DCC: variants seen among roughly 807,000 people sequenced by gnomAD.
DCC encodes netrin receptor DCC.
In DCC, 58 loss-of-function variants were observed where a neutral mutation model predicts 172.5. The ratio of observed to expected loss-of-function variants is 0.34; its 90% CI spans 0.27 to 0.42. The LOEUF is 0.42. Among genes scored for constraint, DCC ranks in the 10% least tolerant of loss-of-function variants. DCC has a pLI of 1.00. For missense variants in DCC, 1,740 were observed against 1,791.0 expected, an observed-to-expected ratio of 0.97 and a Z score of 0.51; for synonymous variants, 709 against 644.5, an observed-to-expected ratio of 1.10 and a Z score of -1.52.
intron 5 of DCC, among the ~76,000 whole-genome samples, chr18:52,954,087 T>C (rs749085263): frequency 6.6e-6 from 1 of 152,246 alleles, no homozygotes; most frequent in African/African-American, 2.4e-5. Context: ...TCCATTTATA[T>C]GTACCTGTGT....
chr18:52,897,208 C>A (rs2039744572), intron 2 of DCC, among the ~76,000 whole-genome samples: 1 of 152,190 alleles, frequency 6.6e-6, no homozygotes, highest in Non-Finnish European at 1.5e-5. Context: ...AGTACCAACA[C>A]TACAGAGGAT....
intron 27 of DCC, chr18:53,505,323 TTAGAAACAAATTAAAAAAAA>T (rs1278303554): frequency 6.6e-6 from 1 of 151,648 alleles, no homozygotes; most frequent in Non-Finnish European, 1.5e-5. Flanking sequence ...GGCCAAGGCT[TTAGAAACAAATTAAAAAAAA>T]TAAAGATGAG....
chr18:53,206,320 TG>T (rs2055634276), intron 10 of DCC, among the ~76,000 whole-genome samples: 1 of 90,476 alleles, frequency 1.1e-5, no homozygotes, highest in African/African-American at 4.3e-5. Context: ...TATACATATA[TG>T]TATTGTAACA....
chr18:52,370,114 A>G (rs1229088127), intron 1 of DCC, among the ~76,000 whole-genome samples: 1 of 152,166 alleles, frequency 6.6e-6, no homozygotes, highest in Non-Finnish European at 1.5e-5. Context: ...TGATTTTTTA[A>G]TAATCACCAT....
At chr18:52,786,444 T>TCCAGTCACA (rs2037662155) in intron 2 of DCC, among the ~76,000 whole-genome samples, 1 of 151,856 alleles carries the variant, frequency 6.6e-6, no homozygotes, top group South Asian at 2.1e-4. Context: ...CTTTTATCTC[T>TCCAGTCACA]CCAGTCCTCA....
intron 2 of DCC, among the ~76,000 whole-genome samples, chr18:52,767,946 G>C (rs555391193): frequency 6.6e-6 from 1 of 152,324 alleles, no homozygotes; most frequent in East Asian, 1.9e-4. Context: ...GCTGAGTTGA[G>C]AATGTGTGTT....
intron 9 of DCC, among the ~76,000 whole-genome samples, chr18:53,195,988 A>G (rs1187232376): frequency 3.3e-5 from 5 of 152,214 alleles, no homozygotes; most frequent in Non-Finnish European, 7.3e-5. Context: ...CTGAACACAT[A>G]GAAATTATTA....
intron 12 of DCC, among the ~76,000 whole-genome samples, chr18:53,265,911 A>G (rs143149288): frequency 2.6e-5 from 4 of 152,264 alleles, no homozygotes; most frequent in African/African-American, 9.6e-5. Context: ...GGATTGATGC[A>G]TCTTCCAAGG....
chr18:52,806,235 C>A (rs1227378009), intron 2 of DCC, among the ~76,000 whole-genome samples: 1 of 152,188 alleles, frequency 6.6e-6, no homozygotes, highest in Non-Finnish European at 1.5e-5. Flanking sequence ...TTCCCATACA[C>A]CCCAGTCCCC....
intron 1 of DCC, among the ~76,000 whole-genome samples, chr18:52,611,950 A>G (rs145544367): frequency 6.6e-6 from 1 of 152,306 alleles, no homozygotes; most frequent in East Asian, 1.9e-4. Context: ...TAGACAATAA[A>G]CTAGAGGAGA....
chr18:53,530,033 C>A (rs2046508155), intron 28 of DCC, among the ~76,000 whole-genome samples: 1 of 151,776 alleles, frequency 6.6e-6, no homozygotes, highest in South Asian at 2.1e-4. Context: ...GCTGAGTTCT[C>A]ACATACAAAA....
At chr18:52,576,555 C>T (rs1311540611) in intron 1 of DCC, among the ~76,000 whole-genome samples, 1 of 152,170 alleles carries the variant, frequency 6.6e-6, no homozygotes, top group Non-Finnish European at 1.5e-5. Context: ...TTCCGCCGGG[C>T]ACAGTGGCTC....
intron 13 of DCC, among the ~76,000 whole-genome samples, chr18:53,312,165 A>G (rs1318358087): frequency 2.8e-5 from 1 of 35,514 alleles, no homozygotes; most frequent in East Asian, 2.0e-3. Flanking sequence ...AAAAAAAAAA[A>G]AAAAAAAAAA....
At chr18:52,766,051 A>T (rs1178498335) in intron 2 of DCC, among the ~76,000 whole-genome samples, 1 of 152,122 alleles carries the variant, frequency 6.6e-6, no homozygotes, top group African/African-American at 2.4e-5. Context: ...CTCCTTGTGG[A>T]GGGAGCGTAC....
intron 2 of DCC, among the ~76,000 whole-genome samples, chr18:52,799,154 C>T (rs2037934853): frequency 6.6e-6 from 1 of 152,162 alleles, no homozygotes; most frequent in Non-Finnish European, 1.5e-5. Flanking sequence ...TAAAGATTTT[C>T]TTCTGAAATT....
intron 1 of DCC, among the ~76,000 whole-genome samples, chr18:52,560,588 A>T: frequency 6.6e-6 from 1 of 152,222 alleles, no homozygotes; most frequent in South Asian, 2.1e-4. Context: ...CAAAAAATGA[A>T]GGAAAGCAAA....
rs148108450 is a variant in DCC, at chr18:53,207,776, G to A, written c.1820G>A (p.Gly607Asp). Residue 607 changes from glycine to aspartate, a missense_variant, in exon 11 of 29, where the codon GGC (glycine) becomes GAC (aspartate). Physicochemically the swap from Gly to Asp is moderately conservative, Grantham distance 94 (BLOSUM62 -1). Coordinates refer to ENST00000442544, the MANE Select transcript of DCC (RefSeq NM_005215.4). ...RFLAYNRYGP[G>D]VSTDDITVVT... Reference sequence around the variant, plus strand: ...TTAGCTTATAATCGCTATGGTCCGGGCGTCTCTACTGATGATATAACAGTG... The same window carrying A: ...TTAGCTTATAATCGCTATGGTCCGGACGTCTCTACTGATGATATAACAGTG... 1.2e-6 allele frequency: 2 copies of A among 1,613,456 alleles called. No homozygotes were observed. The highest frequency in any genetic ancestry group is 2.2e-5 in the East Asian group (1 of 44,858).
At chr18:52,472,954 C>A (rs1344321048) in intron 1 of DCC, among the ~76,000 whole-genome samples, 1 of 152,004 alleles carries the variant, frequency 6.6e-6, no homozygotes, top group African/African-American at 2.4e-5. Flanking sequence ...TTTCGTAGAG[C>A]CTTAAACCAA....
chr18:52,425,700 G>A (rs1269344514), intron 1 of DCC, among the ~76,000 whole-genome samples: 1 of 152,066 alleles, frequency 6.6e-6, no homozygotes, highest in Non-Finnish European at 1.5e-5. Context: ...GGGACTTGGA[G>A]GATTCTTCCC....
Sources: gnomAD v4.1 joint callset for allele counts (sites outside exome capture counted in the v4.1 genomes callset) on GRCh38, gnomAD v4.1.1 for gene constraint, MANE v1.5 for transcripts, NCBI Gene and HGNC (gene_info 2026-07-23, HGNC 2026-07-21) for gene names.